The following CCDC14 variants were observed in gnomAD, a reference collection of about 807,000 sequenced individuals.
CCDC14 encodes the protein coiled-coil domain-containing protein 14.
In CCDC14, 71 loss-of-function variants were observed where a neutral mutation model predicts 81.4. The ratio of observed to expected loss-of-function variants is 0.87; its 90% CI spans 0.72 to 1.06. The LOEUF is 1.06. CCDC14 is among the 50% of genes least tolerant of loss of function. The pLI, the probability that CCDC14 is intolerant of heterozygous loss-of-function variation, is 0.00. For synonymous variants in CCDC14, 332 were observed against 364.8 expected, an observed-to-expected ratio of 0.91 and a Z score of 1.03; for missense variants, 1,046 against 1,047.3, an observed-to-expected ratio of 1.00 and a Z score of 0.02.
intron 12 of CCDC14, among the ~76,000 whole-genome samples, chr3:123,922,849 G>C (rs1436468819): frequency 1.3e-5 from 2 of 152,026 alleles, no homozygotes; most frequent in East Asian, 3.9e-4. Flanking sequence ...TCAAAGTGCA[G>C]GGAATTTTTC....
At chr3:123,934,320 C>T (rs918792346) in intron 9 of CCDC14, among the ~76,000 whole-genome samples, 1 of 132,690 alleles carries the variant, frequency 7.5e-6, no homozygotes, top group Non-Finnish European at 1.6e-5. Flanking sequence ...GTGTTAATTT[C>T]TCTTTTTTGT....
chr3:123,914,995 G>C lies in CCDC14; in HGVS notation c.2502C>G (p.Gly834=), dbSNP rs1429096916. The change falls in exon 13 of 13, where the codon GGC becomes GGG. Residue 834 remains glycine (G), a synonymous_variant. Coordinates refer to ENST00000409697, the MANE Select transcript of CCDC14 (RefSeq NM_001366335.1). Reference sequence around the variant, plus strand: ...GGCTGTTGCTAAGACAACCTGATGGGCCATGACATGCAGTTTGTTCCTCTG... The same window carrying C: ...GGCTGTTGCTAAGACAACCTGATGGCCCATGACATGCAGTTTGTTCCTCTG... ...KEPEEQTACH[G]PSGCLSNSLQ... 6.8e-6 allele frequency: 11 copies of C among 1,613,894 alleles called. No homozygotes were observed. The Admixed American group carries it at 1.7e-4, about 24-fold the overall frequency.
chr3:123,902,999 T>C (rs2148760437), intron 5 of CCDC14, among the ~76,000 whole-genome samples: 1 of 152,218 alleles, frequency 6.6e-6, no homozygotes, highest in Middle Eastern at 3.4e-3. Flanking sequence ...CCCCAGTGTG[T>C]GATGTTTCCC....
At chr3:123,929,145 T>C (rs565502405) in intron 12 of CCDC14, among the ~76,000 whole-genome samples, 1 of 152,268 alleles carries the variant, frequency 6.6e-6, no homozygotes, top group East Asian at 1.9e-4. Context: ...GAGTTGCCCC[T>C]TAGAATGAAG....
chr3:123,899,466 C>T (rs896000212), intron 5 of CCDC14, among the ~76,000 whole-genome samples: 1 of 152,224 alleles, frequency 6.6e-6, no homozygotes, highest in Admixed American at 6.5e-5. Context: ...TTCCCCTCGT[C>T]CCCGGGAAAC....
chr3:123,917,033 C>T (rs770002096), intron 12 of CCDC14, among the ~76,000 whole-genome samples: 1 of 151,474 alleles, frequency 6.6e-6, no homozygotes, highest in Non-Finnish European at 1.5e-5. Context: ...TTAGTAGCGA[C>T]GGGGTTTCAC....
rs2034514872 is a variant in CCDC14 at position 123,913,852 on chromosome 3, T to TTTAGGGA, written c.*926_*927insTCCCTAA. 1.0e-6 allele frequency: 1 copy of TTTAGGGA among 985,220 alleles called. No homozygotes were observed. Among genetic ancestry groups the TTTAGGGA allele is most frequent in the Non-Finnish European group, 1.2e-6 (1 of 829,912 alleles). The allele number at this position is 985,220 out of a possible 1,614,324, so 61.0% of individuals were successfully genotyped here. ...TTCCTAAGAGTTAAAACGTGCTGCTTACATGAAGGGAGATGATACTGAGCT... is the reference window on the plus strand; with the variant it reads ...TTCCTAAGAGTTAAAACGTGCTGCTTTTAGGGAACATGAAGGGAGATGATACTGAGCT... On this transcript the variant is annotated 3_prime_UTR_variant, in exon 13 of 13. Transcript: ENST00000409697.
intron 5 of CCDC14, among the ~76,000 whole-genome samples, chr3:123,904,005 G>A (rs984326388): frequency 3.9e-5 from 6 of 152,130 alleles, no homozygotes; most frequent in Admixed American, 3.9e-4. Flanking sequence ...CAGTTATTTT[G>A]TAAGTCCCAA....
the CCDC14 span, among the ~76,000 whole-genome samples, chr3:123,890,001 C>T: frequency 1.1e-4 from 17 of 152,192 alleles, no homozygotes; most frequent in African/African-American, 4.1e-4. Context: ...CTGGGGAGGC[C>T]TCACAATCAT....
intron 9 of CCDC14, among the ~76,000 whole-genome samples, chr3:123,937,262 CT>C (rs1178021747): frequency 6.6e-6 from 1 of 151,998 alleles, no homozygotes; most frequent in Non-Finnish European, 1.5e-5. Context: ...AACTGCCAAA[CT>C]TTTTTTCCAA....
At position 123,931,167 on chromosome 3, in the gene CCDC14, GT is replaced by G; in HGVS notation, c.1712del (p.Asn571ThrfsTer6). 6.2e-7 allele frequency: 1 copy of G among 1,613,048 alleles called. No individual in the cohort carries two copies. Among genetic ancestry groups the G allele is most frequent in the Admixed American group, 1.7e-5 (1 of 59,796 alleles). On this transcript the variant is annotated frameshift_variant, in exon 12 of 13. Transcript: ENST00000409697. LOFTEE classifies it high-confidence loss of function. ...QFKLETAEKE[N>X]QILGITLRQR... ...GACGTAATGTTATCCCCAATATCTG[GT>G]TTTCCTTTTCAGCAGTTTCTAACTT...
At chr3:123,904,184 C>G (rs2034247785) in intron 5 of CCDC14, among the ~76,000 whole-genome samples, 1 of 152,048 alleles carries the variant, frequency 6.6e-6, no homozygotes, top group South Asian at 2.1e-4. Context: ...TCTTAGTCAT[C>G]TAGAGGGATT....
chr3:123,886,584 G>C, the CCDC14 span, among the ~76,000 whole-genome samples: 1 of 152,080 alleles, frequency 6.6e-6, no homozygotes, highest in African/African-American at 2.4e-5. Context: ...TTTTAGTAGA[G>C]ACGGGGTTTC....
chr3:123,898,624 T>G (rs1337097652), intron 5 of CCDC14, among the ~76,000 whole-genome samples: 1 of 152,190 alleles, frequency 6.6e-6, no homozygotes, highest in African/African-American at 2.4e-5. Flanking sequence ...CTACACCTGA[T>G]GAATCCTAAA....
chr3:123,915,716 G>T lies in CCDC14; in HGVS notation c.1781C>A (p.Thr594Asn). ...EVTRLRELTR[T>N]LQTSMAKLLS... Reference sequence around the variant, plus strand: ...AAGCTTTGCCATGCTAGTCTGTAAAGTTCTGTTAAGAAGAATCCAGAACAC... The same window carrying T: ...AAGCTTTGCCATGCTAGTCTGTAAATTTCTGTTAAGAAGAATCCAGAACAC... The change falls in exon 13 of 13, where the codon ACT becomes AAT. Residue 594 changes from threonine to asparagine, a missense_variant and splice_region_variant. Transcript: ENST00000409697. 1 of 1,598,486 alleles carries T rather than the reference G, an allele frequency of 6.3e-7. No homozygotes were observed. Among genetic ancestry groups the T allele is most frequent in the Non-Finnish European group, 8.5e-7 (1 of 1,173,160 alleles).
intron 2 of CCDC14, 66 bp downstream of exon 2, chr3:123,956,674 T>C: frequency 7.7e-7 from 1 of 1,297,726 alleles, no homozygotes; most frequent in Non-Finnish European, 1.1e-6. Context: ...AGACGACATG[T>C]CATCCAGCCC....
At chr3:123,902,128 G>A (rs2034190869) in intron 5 of CCDC14, among the ~76,000 whole-genome samples, 1 of 152,054 alleles carries the variant, frequency 6.6e-6, no homozygotes, top group Non-Finnish European at 1.5e-5. Context: ...AAAAAAACCA[G>A]TCATCATTAA....
Position 123,931,221 on chromosome 3 carries a change from G to A in CCDC14, c.1659C>T (p.Ala553=). Residue 553 remains alanine (A), a synonymous_variant, in exon 12 of 13, where the codon GCC becomes GCT. Transcript: ENST00000409697. ...ITRIKIELEE[A]LVNVKSSQFK... ...ACTGGGAGCTTTTCACATTGACTAG[G>A]GCTTCCTCCAATTCTAAAACAACAA... The A allele has an allele frequency of 6.2e-7, 1 of 1,602,966 alleles. No homozygotes were observed.
chr3:123,951,237 C>T (rs569850019), intron 5 of CCDC14, among the ~76,000 whole-genome samples: 6 of 152,216 alleles, frequency 3.9e-5, no homozygotes, highest in African/African-American at 1.2e-4. Flanking sequence ...GCAATGTCTA[C>T]CACACAGTAA....
Sources: allele counts gnomAD v4.1 joint callset (sites outside exome capture counted in the v4.1 genomes callset), GRCh38; gene constraint gnomAD v4.1.1; transcripts MANE v1.5; gene names NCBI Gene and HGNC (gene_info 2026-07-23, HGNC 2026-07-21).